Variants in EIF2AK2 observed in about 807,000 individuals in gnomAD.
The protein encoded by EIF2AK2 is interferon-induced, double-stranded RNA-activated protein kinase.
EIF2AK2 carries 40 observed loss-of-function variants against 70.5 expected under a neutral mutation model. That is an observed-to-expected ratio of 0.57 (90% CI 0.44 to 0.74). The LOEUF (loss-of-function observed/expected upper bound fraction) is 0.74. Among genes scored for constraint, EIF2AK2 ranks in the 30% least tolerant of loss-of-function variants. The pLI, the probability that EIF2AK2 is intolerant of heterozygous loss-of-function variation, is 0.00. For missense variants in EIF2AK2, 555 were observed against 644.3 expected, an observed-to-expected ratio of 0.86 and a Z score of 1.50; for synonymous variants, 198 against 220.9, an observed-to-expected ratio of 0.90 and a Z score of 0.92.
intron 13 of EIF2AK2, among the ~76,000 whole-genome samples, chr2:37,115,635 G>A (rs1471988843): frequency 1.3e-5 from 2 of 152,140 alleles, no homozygotes; most frequent in Admixed American, 1.3e-4. Context: ...TCCATGATCT[G>A]ATAGGGACTG....
Position 37,139,660 on chromosome 2 carries a change from G to C in EIF2AK2, c.487C>G (p.Leu163Val). Residue 163 changes from leucine to valine, a missense_variant, in exon 6 of 17, where the codon CTT (leucine) becomes GTT (valine). This residue lies in a region of EIF2AK2 where 208 missense variants were observed against 191.8 expected (regional missense o/e 1.08). Transcript: ENST00000233057. Reference sequence around the variant, plus strand: ...GAGGTTTCTTCTGATAATATCTGAAGATATGCAAGTTTAGCGGCCAATTGT... The same window carrying C: ...GAGGTTTCTTCTGATAATATCTGAACATATGCAAGTTTAGCGGCCAATTGT... ...AKQLAAKLAY[L>V]QILSEETSVK... The C allele has an allele frequency of 6.2e-7, 1 of 1,614,058 alleles. No individual in the cohort carries two copies. Among genetic ancestry groups the C allele is most frequent in the South Asian group, 1.1e-5 (1 of 91,076 alleles).
At chr2:37,145,139 G>C (rs1396476559) in intron 4 of EIF2AK2, among the ~76,000 whole-genome samples, 2 of 145,130 alleles carry the variant, frequency 1.4e-5, no homozygotes, top group East Asian at 4.6e-4. Context: ...GTGGTTTTGT[G>C]GGTTTTTTTT....
At chr2:37,110,559 A>G (rs372879575) in intron 14 of EIF2AK2, among the ~76,000 whole-genome samples, 19 of 152,326 alleles carry the variant, frequency 1.2e-4, no homozygotes, top group African/African-American at 4.6e-4. Flanking sequence ...ATTGTGTTCT[A>G]TATTTTTTAT....
intron 8 of EIF2AK2, among the ~76,000 whole-genome samples, chr2:37,137,787 G>A (rs1345494454): frequency 6.6e-6 from 1 of 152,076 alleles, no homozygotes; most frequent in Non-Finnish European, 1.5e-5. Context: ...GTGTGGAAGG[G>A]TAAGGAATGG....
At position 37,103,635 on chromosome 2, in the gene EIF2AK2, C is replaced by G. The variant is rs1327601710; in HGVS notation, c.*3638G>C. Reference sequence around the variant, plus strand: ...TTTTTTAAAAAAAGATTTCTCTCTACGCAGAACATTTCCAAATCTACAGAA... The same window carrying G: ...TTTTTTAAAAAAAGATTTCTCTCTAGGCAGAACATTTCCAAATCTACAGAA... On this transcript the variant is annotated 3_prime_UTR_variant, in exon 17 of 17. Coordinates refer to ENST00000233057, the MANE Select transcript of EIF2AK2 (RefSeq NM_001135651.3). 6.6e-6 allele frequency: 1 copy of G among 152,266 alleles called. No individual in the cohort carries two copies. The highest frequency in any genetic ancestry group is 1.9e-4 in the East Asian group (1 of 5,186). 9.4% of individuals were successfully genotyped at this position (152,266 alleles called of 1,614,324 possible). A position where few individuals can be genotyped will look rare whatever the true frequency, so the allele number is the denominator to read the frequency against.
At chr2:37,144,704 C>T (rs910244029) in intron 4 of EIF2AK2, among the ~76,000 whole-genome samples, 3 of 151,916 alleles carry the variant, frequency 2.0e-5, no homozygotes, top group Admixed American at 6.6e-5. Flanking sequence ...GCCTAGCCTC[C>T]TGAGTAGCTG....
chr2:37,122,137 G>A (rs1674575293), intron 12 of EIF2AK2, among the ~76,000 whole-genome samples: 1 of 149,650 alleles, frequency 6.7e-6, no homozygotes, highest in Admixed American at 6.6e-5. Context: ...AGCTGAGGAG[G>A]GAGCCCCCAG....
intron 1 of EIF2AK2, among the ~76,000 whole-genome samples, 183 bp downstream of exon 1, chr2:37,156,725 G>A (rs544415496): frequency 9.3e-4 from 141 of 152,274 alleles, no homozygotes; most frequent in African/African-American, 3.2e-3. Context: ...CCCGGGCTGC[G>A]GACCTGGGCC....
At chr2:37,119,736 C>T (rs1462877137) in intron 13 of EIF2AK2, among the ~76,000 whole-genome samples, 3 of 151,322 alleles carry the variant, frequency 2.0e-5, no homozygotes, top group Admixed American at 6.6e-5. Flanking sequence ...GGATTACAGG[C>T]GCACGCCACC....
At chr2:37,127,861 G>A (rs1202938166) in intron 10 of EIF2AK2, among the ~76,000 whole-genome samples, 1 of 151,622 alleles carries the variant, frequency 6.6e-6, no homozygotes, top group African/African-American at 2.4e-5. Context: ...TCCTGCCTCA[G>A]CCTCCAAAGT....
At chr2:37,114,338 T>A (rs1384866609) in intron 14 of EIF2AK2, among the ~76,000 whole-genome samples, 1 of 151,706 alleles carries the variant, frequency 6.6e-6, no homozygotes, top group East Asian at 1.9e-4. Context: ...ATATTAAATT[T>A]AAAAAAATAG....
chr2:37,124,582 C>T lies in EIF2AK2; in HGVS notation c.908+1707G>A, dbSNP rs376765130. 4.1e-3 allele frequency among the ~76,000 whole-genome samples: 624 copies of T among 151,996 alleles called. 1 individual carries two copies. Among genetic ancestry groups the T allele is most frequent in the African/African-American group, 0.014 (600 of 41,456 alleles). ...CCCAGCCAGTCATTTTTAATGGCTG[C>T]AAAACAGCCATCGATCAGGGGACAG... On this transcript the variant is annotated intron_variant, in intron 11 of 16. Transcript: ENST00000233057.
intron 13 of EIF2AK2, among the ~76,000 whole-genome samples, chr2:37,116,170 G>A (rs1674334641): frequency 6.6e-6 from 1 of 151,930 alleles, no homozygotes; most frequent in South Asian, 2.1e-4. Context: ...AAGTGCTGAG[G>A]TTACAGGCAT....
chr2:37,143,213 ACT>A (rs762237389), intron 4 of EIF2AK2, among the ~76,000 whole-genome samples: 5 of 110,942 alleles, frequency 4.5e-5, no homozygotes, highest in Non-Finnish European at 7.5e-5. Flanking sequence ...ACAGAGCGAG[ACT>A]CTGTCTCAAA....
intron 11 of EIF2AK2, among the ~76,000 whole-genome samples, chr2:37,123,464 TG>T (rs1245331900): frequency 6.6e-6 from 1 of 152,030 alleles, no homozygotes; most frequent in Non-Finnish European, 1.5e-5. Flanking sequence ...GATGGGGTTT[TG>T]CCACGCTGCC....
chr2:37,137,925 A>G (rs4648189), intron 8 of EIF2AK2, among the ~76,000 whole-genome samples: 4,278 of 152,202 alleles, frequency 0.028, 190 homozygotes, highest in African/African-American at 0.096. Context: ...AGCCTGAACA[A>G]CATGGTGAAA....
chr2:37,119,980 T>C lies in EIF2AK2; in HGVS notation c.1227A>G (p.Lys409=), dbSNP rs1674479996. Residue 409 remains lysine, a synonymous_variant, in exon 13 of 17, where the codon AAA becomes AAG. Coordinates refer to ENST00000233057, the MANE Select transcript of EIF2AK2 (RefSeq NM_001135651.3). The part of the protein sequence containing the change: ...TKGVDYIHSK[K]LIHRDLKPSN... ...TTACCTTAAGATCTCTATGAATTAA[T>C]TTTTTTGAATGTATATAATCCACCC... is the stretch of plus-strand genomic sequence containing the variant. The C allele has an allele frequency of 4.8e-6, 7 of 1,455,626 alleles. No individual in the cohort carries two copies. The highest frequency in any genetic ancestry group is 6.4e-6 in the Non-Finnish European group (7 of 1,094,494). The allele number at this position is 1,455,626 out of a possible 1,614,324, so 90.2% of individuals were successfully genotyped here. A position where few individuals can be genotyped will look rare whatever the true frequency, so the allele number is the denominator to read the frequency against.
rs1673887550 is a variant in EIF2AK2 at position 37,103,816 on chromosome 2, C to CTAG, written c.*3456_*3457insCTA. ...TTGCAGACATCATGACACACTTGGC[C>CTAG]TCTAAATGTTTGTGCATGCATTGCC... On this transcript the variant is annotated 3_prime_UTR_variant, in exon 17 of 17. Coordinates refer to ENST00000233057, the MANE Select transcript of EIF2AK2 (RefSeq NM_001135651.3). The CTAG allele has an allele frequency of 1.3e-5, 2 of 152,126 alleles. No individual in the cohort carries two copies. Among genetic ancestry groups the CTAG allele is most frequent in the Admixed American group, 6.5e-5 (1 of 15,272 alleles). The allele number at this position is 152,126 out of a possible 1,614,324, so 9.4% of individuals were successfully genotyped here. A position where few individuals can be genotyped will look rare whatever the true frequency, so the allele number is the denominator to read the frequency against.
At chr2:37,132,187 C>T (rs1311304474) in intron 10 of EIF2AK2, among the ~76,000 whole-genome samples, 1 of 152,182 alleles carries the variant, frequency 6.6e-6, no homozygotes, top group African/African-American at 2.4e-5. Context: ...TCCCCTCACA[C>T]AACATATCCC....
Sources: gnomAD v4.1 joint callset for allele counts (sites outside exome capture counted in the v4.1 genomes callset) on GRCh38, gnomAD v4.1.1 for gene constraint, gnomAD v4.1.1 regional missense constraint, MANE v1.5 for transcripts, NCBI Gene and HGNC (gene_info 2026-07-23, HGNC 2026-07-21) for gene names.